Variants in KATNIP observed in about 807,000 individuals in gnomAD.
KATNIP encodes katanin-interacting protein.
KATNIP carries 126 observed loss-of-function variants against 174.0 expected under a neutral mutation model. The ratio of observed to expected loss-of-function variants is 0.72; its 90% CI spans 0.63 to 0.84. The LOEUF (loss-of-function observed/expected upper bound fraction) is 0.84, where lower values mean the gene tolerates loss of function less well. KATNIP is among the 40% of genes least tolerant of loss of function. KATNIP has a pLI of 0.00. For missense variants in KATNIP, 1,958 were observed against 2,109.7 expected (o/e 0.93, Z 1.41); for synonymous variants, 810 against 835.7 (o/e 0.97, Z 0.53).
intron 3 of KATNIP, among the ~76,000 whole-genome samples, chr16:27,625,907 T>A (rs1286214814): frequency 1.3e-5 from 2 of 151,850 alleles, no homozygotes; most frequent in African/African-American, 4.8e-5. Context: ...TGGAGTGCAG[T>A]GGCATGATCA....
chr16:27,694,610 A>T (rs548753193), intron 8 of KATNIP, among the ~76,000 whole-genome samples: 92 of 152,132 alleles, frequency 6.0e-4, no homozygotes, highest in African/African-American at 2.1e-3. Flanking sequence ...AGCCTGGGCA[A>T]CATGGTGAAA....
At chr16:27,579,655 A>G (rs1393707000) in intron 2 of KATNIP, among the ~76,000 whole-genome samples, 1 of 151,996 alleles carries the variant, frequency 6.6e-6, no homozygotes, top group Non-Finnish European at 1.5e-5. Flanking sequence ...GCCCCCAGGC[A>G]GGCTAGCCCC....
In KATNIP at chr16:27,777,972, C is replaced by T. The variant is rs199505103; in HGVS notation, c.4801+3C>T. 4.4e-4 allele frequency: 711 copies of T among 1,613,642 alleles called. No individual in the cohort carries two copies. Among genetic ancestry groups the T allele is most frequent in the Non-Finnish European group, 5.7e-4 (675 of 1,179,604 alleles). On this transcript the variant is annotated splice_donor_region_variant and intron_variant, in intron 27 of 27. Coordinates refer to ENST00000261588, the MANE Select transcript of KATNIP (RefSeq NM_015202.5). This position sits in a 1 kb window ranked among gnomAD's most constrained non-coding sequence, Gnocchi z 4.4. ...GAAGCAGAGCGTTGTTGACCCAGGT[C>T]AGTGGCGTTTCTCTGCCCAGAGCAT...
intron 13 of KATNIP, among the ~76,000 whole-genome samples, chr16:27,715,547 TA>T (rs2079895586): frequency 6.6e-6 from 1 of 152,072 alleles, no homozygotes. Flanking sequence ...ATATATCTGA[TA>T]AGGGTCTAAT....
At position 27,698,358 on chromosome 16, in the gene KATNIP, C is replaced by A. The variant is rs1258692871; in HGVS notation, c.971C>A (p.Ser324Tyr). ...RPGSRRERPL[S>Y]ATRKTLCEAE... ...GGAAGCCGGCGAGAGAGACCCCTGT[C>A]TGCAACCCGCAAAACTCTTTGCGAG... Residue 324 changes from serine (S) to tyrosine (Y), a missense_variant, in exon 9 of 28, where the codon TCT becomes TAT. Physicochemically the swap from Ser to Tyr is moderately radical, Grantham distance 144. Transcript: ENST00000261588. 6.2e-7 allele frequency: 1 copy of A among 1,612,520 alleles called. No homozygotes were observed. Among genetic ancestry groups the A allele is most frequent in the Non-Finnish European group, 8.5e-7 (1 of 1,179,116 alleles).
Position 27,709,087 on chromosome 16 carries a change from G to A in KATNIP, c.1605+167G>A, listed in dbSNP as rs189120838. ...TAATCCCAGCACTTTGGGAGGCTGAGGCAGGCGGATCATTTGAGGTCAGGA... is the reference window on the plus strand; with the variant it reads ...TAATCCCAGCACTTTGGGAGGCTGAAGCAGGCGGATCATTTGAGGTCAGGA... On this transcript the variant is annotated intron_variant, in intron 13 of 27. Transcript: ENST00000261588. 4.0e-4 allele frequency: 225 copies of A among 562,218 alleles called. 2 individuals are homozygous for A. Among genetic ancestry groups the A allele is most frequent in the South Asian group, 2.9e-3 (118 of 40,746 alleles). 34.8% of individuals were successfully genotyped at this position (562,218 alleles called of 1,614,324 possible).
In KATNIP at chr16:27,751,831, G is replaced by A. The variant is rs2081530295; in HGVS notation, c.3459G>A (p.Leu1153=). 6.2e-7 allele frequency: 1 copy of A among 1,614,078 alleles called. No homozygotes were observed. Among genetic ancestry groups the A allele is most frequent in the African/African-American group, 1.3e-5 (1 of 74,932 alleles). ...FDLDVGSLDS[L]QDEEAMRRPS... ...TGGATGTGGGGAGCCTGGACAGCCT[G>A]CAGGATGAAGAGGCAATGAGGAGGC... The change falls in exon 17 of 28, where the codon CTG becomes CTA. Residue 1153 remains leucine (L), a synonymous_variant. Transcript: ENST00000261588.
In KATNIP at chr16:27,655,202, A is replaced by G. The variant is rs1239057462; in HGVS notation, c.540+6467A>G. ...GATATATATATATATATATATATAT[A>G]TATATATATATATATATATATATAT... On this transcript the variant is annotated intron_variant, in intron 6 of 27. Coordinates refer to ENST00000261588, the MANE Select transcript of KATNIP (RefSeq NM_015202.5). Among the ~76,000 whole-genome samples, 415 of 112,478 alleles carry G rather than the reference A, an allele frequency of 3.7e-3. 4 individuals are homozygous for G. The highest frequency in any genetic ancestry group is 6.1e-3 in the Non-Finnish European group (352 of 57,882). 73.8% of individuals were successfully genotyped at this position (112,478 alleles called of 152,430 possible). A position where few individuals can be genotyped will look rare whatever the true frequency, so the allele number is the denominator to read the frequency against.
chr16:27,746,125 C>T (rs558867464), intron 15 of KATNIP, among the ~76,000 whole-genome samples: 152 of 152,156 alleles, frequency 1.0e-3, no homozygotes, highest in African/African-American at 3.3e-3. Context: ...CCACCGTGCC[C>T]GGCCATCTAC....
intron 1 of KATNIP, among the ~76,000 whole-genome samples, chr16:27,562,789 ACTTAT>A (rs1280075077): frequency 6.6e-6 from 1 of 152,202 alleles, no homozygotes. Context: ...TGTAGCATTT[ACTTAT>A]CTTTACTATT....
chr16:27,624,233 G>A (rs1263217050), intron 3 of KATNIP, among the ~76,000 whole-genome samples: 1 of 152,086 alleles, frequency 6.6e-6, no homozygotes, highest in Non-Finnish European at 1.5e-5. Flanking sequence ...TGTTCACTGG[G>A]TCCTCCTTGC....
intron 7 of KATNIP, among the ~76,000 whole-genome samples, chr16:27,679,883 CACTT>C (rs1481213291): frequency 1.3e-5 from 2 of 152,132 alleles, no homozygotes. Context: ...TCACCCCAGA[CACTT>C]GCTTGAGCTG....
intron 1 of KATNIP, among the ~76,000 whole-genome samples, chr16:27,562,733 C>T (rs142022528): frequency 1.3e-4 from 20 of 152,256 alleles, no homozygotes; most frequent in Non-Finnish European, 1.8e-4. Context: ...TATATTTCAG[C>T]CTGGGAAGCG....
intron 1 of KATNIP, among the ~76,000 whole-genome samples, chr16:27,558,271 AAGT>A (rs1196783990): frequency 3.3e-5 from 5 of 151,786 alleles, no homozygotes; most frequent in Admixed American, 3.3e-4. Flanking sequence ...TCAGCCTCCT[AAGT>A]AGCTGGGATT....
chr16:27,665,003 G>A (rs183855789), intron 6 of KATNIP, among the ~76,000 whole-genome samples: 2 of 152,280 alleles, frequency 1.3e-5, no homozygotes, highest in African/African-American at 4.8e-5. Context: ...AGGCTCACCC[G>A]TAGGCTGAAG....
intron 13 of KATNIP, among the ~76,000 whole-genome samples, chr16:27,720,502 T>A (rs2080179687): frequency 8.4e-6 from 1 of 118,928 alleles, no homozygotes; most frequent in Admixed American, 9.1e-5. Context: ...TGTTCTTTTT[T>A]TTTTTTTTTT....
intron 6 of KATNIP, among the ~76,000 whole-genome samples, chr16:27,677,474 C>A (rs1000086658): frequency 6.6e-6 from 1 of 151,964 alleles, no homozygotes; most frequent in Non-Finnish European, 1.5e-5. Context: ...TCCCCCCCAC[C>A]CCACCTTCCC....
At chr16:27,632,263 T>C (rs1360718056) in intron 5 of KATNIP, among the ~76,000 whole-genome samples, 1 of 152,120 alleles carries the variant, frequency 6.6e-6, no homozygotes, top group Non-Finnish European at 1.5e-5. Context: ...GCAGCCTCCC[T>C]CCCGGGTGGC....
At chr16:27,606,258 GT>G (rs2141979647) in intron 2 of KATNIP, among the ~76,000 whole-genome samples, 1 of 152,302 alleles carries the variant, frequency 6.6e-6, no homozygotes, top group South Asian at 2.1e-4. Flanking sequence ...CTTGGGGTGG[GT>G]TTTGAAGGAA....
Sources: allele counts gnomAD v4.1 joint callset (sites outside exome capture counted in the v4.1 genomes callset), GRCh38; gene constraint gnomAD v4.1.1; non-coding constraint Gnocchi (gnomAD v3.1); transcripts MANE v1.5; gene names NCBI Gene and HGNC (gene_info 2026-07-23, HGNC 2026-07-21).